The following GPR158 variants were observed in gnomAD, a reference collection of about 807,000 sequenced individuals.
GPR158 encodes G protein-coupled receptor 158, also known as metabotropic glycine receptor.
GPR158 carries 30 observed loss-of-function variants against 78.2 expected under a neutral mutation model. That is an observed-to-expected ratio of 0.38 (90% CI 0.29 to 0.52). GPR158 has a LOEUF of 0.52. Among genes scored for constraint, GPR158 ranks in the 20% least tolerant of loss-of-function variants. The pLI is 0.83. For missense variants in GPR158, 1,463 were observed against 1,523.5 expected, an observed-to-expected ratio of 0.96 and a Z score of 0.66; for synonymous variants, 581 against 591.1, an observed-to-expected ratio of 0.98 and a Z score of 0.25.
intron 2 of GPR158, among the ~76,000 whole-genome samples, chr10:25,286,787 G>A (rs1441643784): frequency 6.6e-6 from 1 of 151,976 alleles, no homozygotes; most frequent in Non-Finnish European, 1.5e-5. Flanking sequence ...CTGGTTTTGG[G>A]ATTGTTGCTA....
intron 2 of GPR158, among the ~76,000 whole-genome samples, chr10:25,389,437 C>G (rs898033843): frequency 1.3e-5 from 2 of 152,162 alleles, no homozygotes; most frequent in Non-Finnish European, 2.9e-5. Flanking sequence ...AGAGAGGAGA[C>G]TCTCTGCTGA....
intron 2 of GPR158, among the ~76,000 whole-genome samples, chr10:25,375,662 G>A (rs549786993): frequency 2.6e-4 from 40 of 151,314 alleles, no homozygotes; most frequent in Admixed American, 5.3e-4. Context: ...TCCTTTTTCC[G>A]CTTAATTGTA....
chr10:25,369,592 G>C (rs1428737327), intron 2 of GPR158, among the ~76,000 whole-genome samples: 1 of 151,330 alleles, frequency 6.6e-6, no homozygotes, highest in East Asian at 1.9e-4. Flanking sequence ...GAGGATTTTT[G>C]CATCGATGTT....
At chr10:25,300,841 AAG>A (rs147913713) in intron 2 of GPR158, among the ~76,000 whole-genome samples, 1 of 152,140 alleles carries the variant, frequency 6.6e-6, no homozygotes, top group African/African-American at 2.4e-5. Context: ...GGGAGTGGGA[AAG>A]AGAGGGAGAG....
intron 2 of GPR158, among the ~76,000 whole-genome samples, chr10:25,250,170 AT>A (rs1274726322): frequency 1.6e-5 from 2 of 127,482 alleles, no homozygotes; most frequent in Non-Finnish European, 3.2e-5. Flanking sequence ...CCCCTTTATC[AT>A]TTTTTATTGC....
intron 4 of GPR158, among the ~76,000 whole-genome samples, chr10:25,437,978 C>T (rs1049205647): frequency 1.3e-5 from 2 of 152,160 alleles, no homozygotes; most frequent in Non-Finnish European, 2.9e-5. Context: ...ATCAATGCAG[C>T]AGGGAACCAT....
At chr10:25,355,621 T>G (rs1326232757) in intron 2 of GPR158, among the ~76,000 whole-genome samples, 1 of 152,104 alleles carries the variant, frequency 6.6e-6, no homozygotes, top group East Asian at 1.9e-4. Context: ...ATTCCAGTTT[T>G]CTGTGTCTAG....
intron 2 of GPR158, among the ~76,000 whole-genome samples, chr10:25,380,060 A>G (rs1834134479): frequency 6.6e-6 from 1 of 152,112 alleles, no homozygotes; most frequent in African/African-American, 2.4e-5. Context: ...TTCATAGAAA[A>G]AAACTGAGTT....
intron 6 of GPR158, among the ~76,000 whole-genome samples, chr10:25,552,526 T>TA (rs1236843049): frequency 2.0e-5 from 3 of 152,192 alleles, no homozygotes; most frequent in Admixed American, 6.5e-5. Flanking sequence ...TTATAATACT[T>TA]ATGGTGCCTT....
intron 5 of GPR158, among the ~76,000 whole-genome samples, chr10:25,504,067 T>C (rs76495520): frequency 6.6e-6 from 1 of 151,780 alleles, no homozygotes; most frequent in Non-Finnish European, 1.5e-5. Context: ...ATTTTTGTAT[T>C]ATTAATAGAC....
At chr10:25,436,399 A>C (rs758839794) in intron 4 of GPR158, among the ~76,000 whole-genome samples, 3 of 152,220 alleles carry the variant, frequency 2.0e-5, no homozygotes, top group Non-Finnish European at 2.9e-5. Flanking sequence ...GAGGGTCATG[A>C]GCATTAAAAC....
intron 5 of GPR158, among the ~76,000 whole-genome samples, chr10:25,526,133 T>G (rs529995073): frequency 7.3e-5 from 9 of 123,752 alleles, no homozygotes; most frequent in Non-Finnish European, 1.2e-4. Context: ...AAAAAAAAAG[T>G]CATAGCAATT....
At chr10:25,545,962 G>A (rs954326022) in intron 5 of GPR158, among the ~76,000 whole-genome samples, 10 of 152,112 alleles carry the variant, frequency 6.6e-5, no homozygotes, top group African/African-American at 2.2e-4. Context: ...TCCAAGGAGA[G>A]CTGATGAGTG....
chr10:25,398,400 GACATA>G (rs1588844757), intron 3 of GPR158, among the ~76,000 whole-genome samples: 1 of 152,278 alleles, frequency 6.6e-6, no homozygotes, highest in East Asian at 1.9e-4. Context: ...TTATGGTCCA[GACATA>G]ACATATGATT....
intron 1 of GPR158, among the ~76,000 whole-genome samples, chr10:25,189,907 AG>A (rs1462783083): frequency 1.4e-5 from 2 of 139,294 alleles, no homozygotes; most frequent in Non-Finnish European, 3.1e-5. Context: ...GAAAGAGGGA[AG>A]GGGGGTACAG....
intron 2 of GPR158, among the ~76,000 whole-genome samples, chr10:25,258,643 T>C (rs955097239): frequency 3.9e-5 from 6 of 152,142 alleles, no homozygotes. Context: ...AATTTTTTTT[T>C]CCATACGAAC....
intron 2 of GPR158, among the ~76,000 whole-genome samples, chr10:25,300,117 A>G (rs1854571205): frequency 6.6e-6 from 1 of 152,348 alleles, no homozygotes; most frequent in South Asian, 2.1e-4. Context: ...GCTTAAAACA[A>G]TGCAAATGTA....
At chr10:25,591,333 T>C (rs997128543) in intron 8 of GPR158, among the ~76,000 whole-genome samples, 2 of 152,118 alleles carry the variant, frequency 1.3e-5, no homozygotes, top group African/African-American at 2.4e-5. Flanking sequence ...GCATCCACAC[T>C]TCAGAAAATA....
chr10:25,530,333 A>T (rs1836407507), intron 5 of GPR158, among the ~76,000 whole-genome samples: 1 of 152,204 alleles, frequency 6.6e-6, no homozygotes, highest in Non-Finnish European at 1.5e-5. Context: ...TCAGTCTCAC[A>T]AAGGAACACA....
Sources: gnomAD v4.1 joint callset for allele counts (sites outside exome capture counted in the v4.1 genomes callset) on GRCh38, gnomAD v4.1.1 for gene constraint, MANE v1.5 for transcripts, NCBI Gene and HGNC (gene_info 2026-07-23, HGNC 2026-07-21) for gene names.